ALYREF: variants seen among roughly 807,000 people sequenced by gnomAD.
ALYREF encodes the protein THO complex subunit 4.
In ALYREF, 1 loss-of-function variant was observed where a neutral mutation model predicts 25.2. The ratio of observed to expected loss-of-function variants is 0.04; its 90% CI spans 0.01 to 0.19. The LOEUF (loss-of-function observed/expected upper bound fraction) is 0.19. Among genes scored for constraint, ALYREF ranks in the 10% least tolerant of loss-of-function variants. The pLI is 1.00. For synonymous variants in ALYREF, 193 were observed against 153.5 expected (o/e 1.26, Z -1.90); for missense variants, 328 against 375.6 (o/e 0.87, Z 1.05).
chr17:81,888,610 G>T lies in ALYREF; in HGVS notation c.539-27C>A, dbSNP rs376514143. ...TGCGGCAAAGAATACGAGAAGGCAC[G>T]TTCTATTGAGAGGCTCTGAAACCCA... On this transcript the variant is annotated intron_variant, in intron 3 of 5. Transcript: ENST00000505490. The surrounding 1 kb of genome is among the most constrained non-coding windows in gnomAD (Gnocchi z 5.8). The T allele has an allele frequency of 6.4e-7, 1 of 1,574,002 alleles. No homozygotes were observed. Among genetic ancestry groups the T allele is most frequent in the South Asian group, 1.2e-5 (1 of 86,390 alleles).
chr17:81,888,196 A>G lies in ALYREF; in HGVS notation c.780+45T>C, dbSNP rs774728325. On this transcript the variant is annotated intron_variant, in intron 5 of 5. Coordinates refer to ENST00000505490, the MANE Select transcript of ALYREF (RefSeq NM_005782.4). The surrounding 1 kb of genome is among the most constrained non-coding windows in gnomAD (Gnocchi z 5.8). ...TGCATTCACAGGCGGCCTGCTCCCC[A>G]CTGCGGCTTTGACCAGGCCCCCAGC... The G allele has an allele frequency of 6.2e-7, 1 of 1,614,020 alleles. No homozygotes were observed. The highest frequency in any genetic ancestry group is 8.5e-7 in the Non-Finnish European group (1 of 1,179,990).
At chr17:81,889,069 G>T in intron 3 of ALYREF, 113 bp downstream of exon 3, 1 of 1,493,086 alleles carries the variant, frequency 6.7e-7, no homozygotes, top group Non-Finnish European at 9.0e-7. Context: ...GAGACAAAGG[G>T]GCAAATGCAA....
In ALYREF at chr17:81,890,679, C is replaced by G. The variant is rs749001680; in HGVS notation, c.390+10G>C. On this transcript the variant is annotated intron_variant, in intron 2 of 5. Transcript: ENST00000505490. ...GGCGAACGGCTCACCGAGAAGCCCT[C>G]GTCTCTTACCTGAATATCGGCGTCT... 6.2e-7 allele frequency: 1 copy of G among 1,613,254 alleles called. No individual in the cohort carries two copies.
In ALYREF at chr17:81,890,699, G is replaced by C; in HGVS notation, c.380C>G (p.Ala127Gly). 2 of 1,613,814 alleles carry C rather than the reference G, an allele frequency of 1.2e-6. No homozygotes were observed. The part of the protein sequence containing the change: ...VSNLDFGVSD[A>G]DIQELFAEFG... ...GCCCTCGTCTCTTACCTGAATATCG[G>C]CGTCTGAGACTCCAAAATCCAGATT... is the stretch of plus-strand genomic sequence containing the variant. Residue 127 changes from alanine (A) to glycine (G), a missense_variant, in exon 2 of 6, where the codon GCC becomes GGC. Coordinates refer to ENST00000505490, the MANE Select transcript of ALYREF (RefSeq NM_005782.4).
chr17:81,890,899 C>A lies in ALYREF; in HGVS notation c.259-79G>T, dbSNP rs1040185532. 4 of 1,588,914 alleles carry A rather than the reference C, an allele frequency of 2.5e-6. No homozygotes were observed. In the African/African-American group the frequency reaches 5.4e-5, roughly 21 times the overall value. On this transcript the variant is annotated intron_variant, in intron 1 of 5. Transcript: ENST00000505490. ...CCTGACCCTCACGGCTACTCCGGAC[C>A]CTTCCTCTTCCCGGCCTGAGAGGAT... is the stretch of plus-strand genomic sequence containing the variant.
chr17:81,891,415 T>A lies in ALYREF; in HGVS notation c.166A>T (p.Asn56Tyr), dbSNP rs1472199148. Residue 56 changes from asparagine to tyrosine, a missense_variant, in exon 1 of 6, where the codon AAT becomes TAT. Asn to Tyr is a moderately radical substitution (Grantham distance 143). Coordinates refer to ENST00000505490, the MANE Select transcript of ALYREF (RefSeq NM_005782.4). ...TTCCGGATGGGCCCGCCGCCTCGAT[T>A]CACTCGCGCGGCGGCCTGCGCCCCA... is the stretch of plus-strand genomic sequence containing the variant. ...GGGAQAAARV[N>Y]RGGGPIRNRP... 1 of 1,034,986 alleles carries A rather than the reference T, an allele frequency of 9.7e-7. No homozygotes were observed. The highest frequency in any genetic ancestry group is 1.8e-5 in the African/African-American group (1 of 56,906). The allele number at this position is 1,034,986 out of a possible 1,614,324, so 64.1% of individuals were successfully genotyped here.
intron 2 of ALYREF, 86 bp downstream of exon 2, chr17:81,890,603 G>T: frequency 6.4e-7 from 1 of 1,564,090 alleles, no homozygotes; most frequent in South Asian, 1.1e-5. Flanking sequence ...TCGCTAAGGC[G>T]GGAAGGGGAC....
chr17:81,891,236 C>T (rs1346751008), intron 1 of ALYREF, 87 bp downstream of exon 1: 2 of 1,049,202 alleles, frequency 1.9e-6, no homozygotes, highest in Non-Finnish European at 2.3e-6. Context: ...ATCCACCCGC[C>T]GGCCCGGGTC....
In ALYREF at chr17:81,890,671, G is replaced by A. The variant is rs780035560; in HGVS notation, c.390+18C>T. On this transcript the variant is annotated intron_variant, in intron 2 of 5. Coordinates refer to ENST00000505490, the MANE Select transcript of ALYREF (RefSeq NM_005782.4). ...CTGTGCAGGGCGAACGGCTCACCGAGAAGCCCTCGTCTCTTACCTGAATAT... is the reference window on the plus strand; with the variant it reads ...CTGTGCAGGGCGAACGGCTCACCGAAAAGCCCTCGTCTCTTACCTGAATAT... The A allele has an allele frequency of 6.2e-7, 1 of 1,612,280 alleles. No individual in the cohort carries two copies. The highest frequency in any genetic ancestry group is 1.1e-5 in the South Asian group (1 of 91,058).
intron 2 of ALYREF, 128 bp downstream of exon 2, chr17:81,890,561 C>T (rs1220196008): frequency 2.8e-6 from 4 of 1,415,028 alleles, no homozygotes; most frequent in African/African-American, 1.4e-5. Context: ...CTGGGTCTGT[C>T]CTGCAGCCCT....
chr17:81,891,145 G>A (rs957959636), intron 1 of ALYREF, 178 bp downstream of exon 1: 11 of 554,260 alleles, frequency 2.0e-5, no homozygotes, highest in Non-Finnish European at 2.5e-5. Flanking sequence ...GACCCCGAAA[G>A]AACGACCTCG....
At chr17:81,890,367 G>C (rs139424088) in intron 2 of ALYREF, among the ~76,000 whole-genome samples, 3,409 of 152,256 alleles carry the variant, frequency 0.022, 115 homozygotes, top group African/African-American at 0.079. Flanking sequence ...AATTTAAAAA[G>C]CAACTGGGCT....
At chr17:81,891,282 G>GC in intron 1 of ALYREF, 41 bp downstream of exon 1, 2 of 1,106,064 alleles carry the variant, frequency 1.8e-6, no homozygotes, top group Non-Finnish European at 2.2e-6. Flanking sequence ...GCCCCGGCTG[G>GC]CCCCCTCCCA....
intron 2 of ALYREF, 120 bp downstream of exon 2, chr17:81,890,569 C>T (rs1335444945): frequency 2.7e-6 from 4 of 1,456,604 alleles, no homozygotes; most frequent in Admixed American, 4.1e-5. Flanking sequence ...GTCCTGCAGC[C>T]CTTCAGAGCT....
chr17:81,890,901 T>C, intron 1 of ALYREF, 81 bp from the exon 2 acceptor site: 1 of 1,586,212 alleles, frequency 6.3e-7, no homozygotes, highest in Non-Finnish European at 8.6e-7. Flanking sequence ...CTCCGGACCC[T>C]TCCTCTTCCC....
At position 81,888,706 on chromosome 17, in the gene ALYREF, G is replaced by T; in HGVS notation, c.539-123C>A. The T allele has an allele frequency of 1.3e-6, 2 of 1,500,018 alleles. No individual in the cohort carries two copies. Among genetic ancestry groups the T allele is most frequent in the Non-Finnish European group, 1.8e-6 (2 of 1,118,252 alleles). The allele number at this position is 1,500,018 out of a possible 1,614,324, so 92.9% of individuals were successfully genotyped here. A position where few individuals can be genotyped will look rare whatever the true frequency, so the allele number is the denominator to read the frequency against. ...GCCTCTGTGCGTCTCAAATGCCCCC[G>T]ACAAGGGAAATGGCCTGGAGATACT... On this transcript the variant is annotated intron_variant, in intron 3 of 5. Transcript: ENST00000505490. This position sits in a 1 kb window ranked among gnomAD's most constrained non-coding sequence, Gnocchi z 5.8.
chr17:81,890,867 G>C (rs373239490), intron 1 of ALYREF, 47 bp from the exon 2 acceptor site: 22 of 1,613,208 alleles, frequency 1.4e-5, no homozygotes, highest in Middle Eastern at 1.6e-4. Context: ...TCTCAGTCCA[G>C]GGCTTTCCTG....
In ALYREF at chr17:81,891,384, G is replaced by C; in HGVS notation, c.197C>G (p.Pro66Arg). The change falls in exon 1 of 6, where the codon CCG (proline) becomes CGG (arginine). Residue 66 changes from proline to arginine, a missense_variant. By Grantham distance (103) the Pro-to-Arg change is moderately radical. Transcript: ENST00000505490. ...GCCGGCCGCGCCGCGGGCGATGGCC[G>C]GCCGGTTCCGGATGGGCCCGCCGCC... is the stretch of plus-strand genomic sequence containing the variant. ...NRGGGPIRNRPAIARGAAGGG... is the reference protein window; with the variant it reads ...NRGGGPIRNRRAIARGAAGGG... 1 of 1,122,992 alleles carries C rather than the reference G, an allele frequency of 8.9e-7. No individual in the cohort carries two copies. Among genetic ancestry groups the C allele is most frequent in the Non-Finnish European group, 1.1e-6 (1 of 918,048 alleles). 69.6% of individuals were successfully genotyped at this position (1,122,992 alleles called of 1,614,324 possible). A position where few individuals can be genotyped will look rare whatever the true frequency, so the allele number is the denominator to read the frequency against.
chr17:81,889,472 G>C, intron 2 of ALYREF, 143 bp from the exon 3 acceptor site: 1 of 945,186 alleles, frequency 1.1e-6, no homozygotes, highest in East Asian at 2.5e-5. Flanking sequence ...AATGAGGGAA[G>C]GGCGGGGCAG....
Sources: gnomAD v4.1 joint callset for allele counts (sites outside exome capture counted in the v4.1 genomes callset) on GRCh38, gnomAD v4.1.1 for gene constraint, Gnocchi (gnomAD v3.1) non-coding constraint, MANE v1.5 for transcripts, NCBI Gene and HGNC (gene_info 2026-07-23, HGNC 2026-07-21) for gene names.